IL1RAPL1: variants seen among roughly 807,000 people sequenced by gnomAD.
IL1RAPL1 encodes the protein interleukin-1 receptor accessory protein-like 1.
IL1RAPL1 carries 3 observed loss-of-function variants against 48.4 expected under a neutral mutation model. The observed-to-expected ratio is 0.06, with a 90% CI of 0.03 to 0.16. The LOEUF (loss-of-function observed/expected upper bound fraction) is 0.16. Ranked by LOEUF, IL1RAPL1 falls within the 10% of genes least tolerant of loss-of-function variation. The pLI, the probability that IL1RAPL1 is intolerant of heterozygous loss-of-function variation, is 1.00. For synonymous variants in IL1RAPL1, 185 were observed against 187.7 expected (o/e 0.99, Z 0.12); for missense variants, 349 against 530.6 (o/e 0.66, Z 3.36).
At position 29,818,945 on chromosome X, in the gene IL1RAPL1, G is replaced by A. The variant is rs148574156; in HGVS notation, c.779-98519G>A. Among the ~76,000 whole-genome samples, 416 of 111,928 alleles carry A rather than the reference G, an allele frequency of 3.7e-3. 3 individuals are homozygous for A. Among genetic ancestry groups the A allele is most frequent in the African/African-American group, 0.013 (392 of 30,859 alleles). ...CAGTGCCTTAGCAGAGACAACCGTG[G>A]CTAATTCTTCAAGGCGTCATTTATA... On this transcript the variant is annotated intron_variant, in intron 6 of 10. Transcript: ENST00000378993.
At chrX:29,888,287 G>A (rs1273440149) in intron 6 of IL1RAPL1, among the ~76,000 whole-genome samples, 4 of 108,050 alleles carry the variant, frequency 3.7e-5, no homozygotes, top group African/African-American at 1.4e-4. Context: ...GCAGTGGCAT[G>A]ATCTCGGCTC....
intron 5 of IL1RAPL1, among the ~76,000 whole-genome samples, chrX:29,619,769 A>T (rs765991016): frequency 8.9e-6 from 1 of 112,110 alleles, no homozygotes; most frequent in South Asian, 3.7e-4. Context: ...ATAAAATTTT[A>T]AATTAAAATG....
At chrX:28,860,565 C>T (rs967781222) in intron 2 of IL1RAPL1, among the ~76,000 whole-genome samples, 16 of 107,786 alleles carry the variant, frequency 1.5e-4, no homozygotes, top group Non-Finnish European at 2.9e-4. Flanking sequence ...TCAAGCAATT[C>T]TCCTGCCTCA....
intron 2 of IL1RAPL1, among the ~76,000 whole-genome samples, chrX:29,264,921 A>C (rs1261646716): frequency 9.0e-6 from 1 of 110,637 alleles, no homozygotes; most frequent in African/African-American, 3.3e-5. Flanking sequence ...TTTTTTTATT[A>C]TTATTTTTGA....
chrX:28,837,050 C>T (rs759243078), intron 2 of IL1RAPL1, among the ~76,000 whole-genome samples: 9 of 110,268 alleles, frequency 8.2e-5, no homozygotes, highest in African/African-American at 3.0e-4. Context: ...TATTGATATT[C>T]TTTTCTCTTT....
intron 1 of IL1RAPL1, among the ~76,000 whole-genome samples, chrX:28,602,249 T>C (rs1194868179): frequency 8.9e-6 from 1 of 112,136 alleles, no homozygotes; most frequent in Non-Finnish European, 1.9e-5. Context: ...TTGTGAAGCT[T>C]ATTAAGGAGA....
intron 6 of IL1RAPL1, among the ~76,000 whole-genome samples, chrX:29,871,624 T>C (rs971160990): frequency 8.9e-6 from 1 of 112,735 alleles, no homozygotes; most frequent in Admixed American, 9.3e-5. Flanking sequence ...GAAGCTTTCC[T>C]ATTTATGATT....
At chrX:28,733,724 C>G (rs1316530025) in intron 1 of IL1RAPL1, among the ~76,000 whole-genome samples, 1 of 111,110 alleles carries the variant, frequency 9.0e-6, no homozygotes, top group Non-Finnish European at 1.9e-5. Flanking sequence ...CAATTCACTT[C>G]CTTAGTCATT....
At chrX:29,557,387 T>C (rs1253574094) in intron 5 of IL1RAPL1, among the ~76,000 whole-genome samples, 1 of 111,713 alleles carries the variant, frequency 9.0e-6, no homozygotes, top group East Asian at 2.8e-4. Flanking sequence ...TATTGAGATG[T>C]AGTGACAAAA....
At chrX:29,672,330 G>A (rs1448740703) in intron 6 of IL1RAPL1, among the ~76,000 whole-genome samples, 1 of 111,667 alleles carries the variant, frequency 9.0e-6, no homozygotes, top group African/African-American at 3.2e-5. Flanking sequence ...CCAGAAGTAT[G>A]TAATAAGTAT....
At chrX:29,670,448 G>A (rs1266176039) in intron 6 of IL1RAPL1, among the ~76,000 whole-genome samples, 1 of 111,806 alleles carries the variant, frequency 8.9e-6, no homozygotes, top group East Asian at 2.8e-4. Context: ...ATTATTTTAA[G>A]CAACTTTTAT....
intron 6 of IL1RAPL1, among the ~76,000 whole-genome samples, chrX:29,870,311 A>G (rs1225054354): frequency 8.9e-6 from 1 of 112,037 alleles, no homozygotes; most frequent in African/African-American, 3.2e-5. Context: ...AGGGGCAAAG[A>G]TAGTTTCACC....
chrX:28,683,195 G>T (rs1199810264), intron 1 of IL1RAPL1, among the ~76,000 whole-genome samples: 1 of 111,262 alleles, frequency 9.0e-6, no homozygotes, highest in Admixed American at 9.6e-5. Context: ...AAATTAGAGT[G>T]GGCAAGAGAA....
At chrX:29,336,364 T>C (rs1306987938) in intron 3 of IL1RAPL1, among the ~76,000 whole-genome samples, 1 of 85,253 alleles carries the variant, frequency 1.2e-5, no homozygotes, top group East Asian at 3.6e-4. Flanking sequence ...TATGTATATA[T>C]ATACCTGATA....
chrX:29,326,386 G>C (rs1375647539), intron 3 of IL1RAPL1, among the ~76,000 whole-genome samples: 1 of 112,014 alleles, frequency 8.9e-6, no homozygotes, highest in Non-Finnish European at 1.9e-5. Context: ...GTTTCTTATT[G>C]AATTTGAACT....
intron 2 of IL1RAPL1, among the ~76,000 whole-genome samples, chrX:29,153,147 G>T (rs1929498934): frequency 9.0e-6 from 1 of 111,495 alleles, no homozygotes; most frequent in Non-Finnish European, 1.9e-5. Context: ...AAAGCTAGCA[G>T]TAGCCAGTTG....
intron 5 of IL1RAPL1, among the ~76,000 whole-genome samples, chrX:29,592,168 A>G (rs912626100): frequency 1.8e-5 from 2 of 111,986 alleles, no homozygotes; most frequent in African/African-American, 6.5e-5. Flanking sequence ...GTGGGACAGA[A>G]TTTACATAGA....
intron 2 of IL1RAPL1, among the ~76,000 whole-genome samples, chrX:29,021,215 G>GAAAAAAAAAAAAAAAAAAAA: frequency 2.4e-5 from 1 of 41,957 alleles, no homozygotes; most frequent in Non-Finnish European, 4.0e-5. Context: ...CCGTCTCAAG[G>GAAAAAAAAAAAAAAAAAAAA]AAAAAAAAAA....
intron 1 of IL1RAPL1, among the ~76,000 whole-genome samples, chrX:28,724,117 T>C (rs1394970897): frequency 9.0e-6 from 1 of 111,572 alleles, no homozygotes; most frequent in African/African-American, 3.3e-5. Flanking sequence ...GGTCTGCTTG[T>C]TGCAGAGCTG....
Sources: allele counts gnomAD v4.1 joint callset (sites outside exome capture counted in the v4.1 genomes callset), GRCh38; gene constraint gnomAD v4.1.1; transcripts MANE v1.5; gene names NCBI Gene and HGNC (gene_info 2026-07-23, HGNC 2026-07-21).